The following PYROXD2 variants were observed in gnomAD, a reference collection of about 807,000 sequenced individuals.
PYROXD2 encodes the protein pyridine nucleotide-disulphide oxidoreductase domain 2.
Under a neutral mutation model 71.1 loss-of-function variants are expected in PYROXD2, and 69 were observed. The observed-to-expected ratio is 0.97, with a 90% CI of 0.80 to 1.19. The LOEUF is 1.19. Ranked by LOEUF, PYROXD2 falls within the 50% of genes most tolerant of loss-of-function variation. The probability of loss-of-function intolerance (pLI) is 0.00; values close to 1 mark genes in which losing one functional copy is unlikely to be tolerated. For missense variants in PYROXD2, 745 were observed against 748.9 expected (o/e 0.99, Z 0.06); for synonymous variants, 287 against 302.7 (o/e 0.95, Z 0.54).
intron 8 of PYROXD2, among the ~76,000 whole-genome samples, chr10:98,394,323 A>G (rs1240977550): frequency 1.3e-5 from 2 of 152,238 alleles, no homozygotes; most frequent in Non-Finnish European, 2.9e-5. Flanking sequence ...ATTGGCTGGT[A>G]GATCACAGCT....
intron 9 of PYROXD2, 139 bp downstream of exon 9, chr10:98,392,803 C>T (rs60153449): frequency 8.7e-7 from 1 of 1,149,582 alleles, no homozygotes; most frequent in African/African-American, 1.6e-5. Context: ...GACTGCATGA[C>T]CTTAATCTCT....
At chr10:98,407,832 G>GGGGTCAGCAGGGATGGAGACCGTCACCCA in intron 3 of PYROXD2, 72 bp downstream of exon 3, 2 of 1,464,756 alleles carry the variant, frequency 1.4e-6, no homozygotes, top group Non-Finnish European at 9.2e-7. Flanking sequence ...ACCGTCACCC[G>GGGGTCAGCAGGGATGGAGACCGTCACCCA]GGGTCAGCAG....
At chr10:98,409,542 G>A (rs1843718715) in intron 2 of PYROXD2, among the ~76,000 whole-genome samples, 2 of 152,200 alleles carry the variant, frequency 1.3e-5, no homozygotes, top group Non-Finnish European at 2.9e-5. Context: ...TGTGTTCCTG[G>A]TGGGCTTTGG....
chr10:98,388,570 G>T (rs571672230), intron 12 of PYROXD2, 62 bp from the exon 13 acceptor site: 18 of 1,441,990 alleles, frequency 1.2e-5, no homozygotes, highest in Non-Finnish European at 1.6e-5. Flanking sequence ...TAGGGCATCC[G>T]AGATGACTTG....
rs1357294969 is a variant in PYROXD2, at chr10:98,390,696, C to T, written c.1194G>A (p.Pro398=). Residue 398 remains proline, a synonymous_variant, in exon 12 of 16, where the codon CCG becomes CCA. Transcript: ENST00000370575. ...GGATGGAGCATTGGTGATGGGGCAG[C>T]GGCTGGCCCCTGGGAGCATTGGGGG... ...LAAPNAPRGQ[P]LPHHQCSIHL... 6.2e-7 allele frequency: 1 copy of T among 1,612,236 alleles called. No homozygotes were observed. Among genetic ancestry groups the T allele is most frequent in the South Asian group, 1.1e-5 (1 of 90,802 alleles).
intron 14 of PYROXD2, 113 bp downstream of exon 14, chr10:98,387,088 C>G: frequency 1.3e-6 from 1 of 773,812 alleles, no homozygotes; most frequent in Non-Finnish European, 2.1e-6. Context: ...ACTGTCCTCC[C>G]TTCCTGATGA....
intron 4 of PYROXD2, among the ~76,000 whole-genome samples, chr10:98,404,903 GC>G (rs1196646882): frequency 2.0e-5 from 3 of 152,178 alleles, no homozygotes; most frequent in Non-Finnish European, 4.4e-5. Context: ...ATACTTTGTG[GC>G]CCTGCAAATT....
chr10:98,407,852 C>T lies in PYROXD2; in HGVS notation c.241+52G>A, dbSNP rs1003132068. The T allele has an allele frequency of 1.9e-6, 3 of 1,547,048 alleles. No homozygotes were observed. In the African/African-American group the frequency reaches 4.1e-5, roughly 21 times the overall value. Reference sequence around the variant, plus strand: ...CACCCGGGGTCAGCAGGGATGGAGACTGTCACCCTGAGTCACTGCCCTCCA... The same window carrying T: ...CACCCGGGGTCAGCAGGGATGGAGATTGTCACCCTGAGTCACTGCCCTCCA... On this transcript the variant is annotated intron_variant, in intron 3 of 15. Coordinates refer to ENST00000370575, the MANE Select transcript of PYROXD2 (RefSeq NM_032709.3).
intron 1 of PYROXD2, among the ~76,000 whole-genome samples, chr10:98,412,482 C>T (rs560380000): frequency 2.3e-4 from 35 of 152,268 alleles, no homozygotes; most frequent in Non-Finnish European, 4.7e-4. Flanking sequence ...GATGTGCTGA[C>T]CTCTGGGAGA....
At chr10:98,396,878 G>A (rs1843204341) in intron 6 of PYROXD2, among the ~76,000 whole-genome samples, 1 of 152,314 alleles carries the variant, frequency 6.6e-6, no homozygotes, top group Non-Finnish European at 1.5e-5. Context: ...TCAATGCCCT[G>A]TGAGGCAACC....
At chr10:98,396,549 G>T (rs1390512771) in intron 6 of PYROXD2, among the ~76,000 whole-genome samples, 1 of 152,170 alleles carries the variant, frequency 6.6e-6, no homozygotes, top group Non-Finnish European at 1.5e-5. Flanking sequence ...CACTTAATGA[G>T]CCTTCCATTC....
At chr10:98,412,154 T>A (rs1177570101) in intron 1 of PYROXD2, among the ~76,000 whole-genome samples, 1 of 152,190 alleles carries the variant, frequency 6.6e-6, no homozygotes, top group African/African-American at 2.4e-5. Context: ...ATTTGTCTTT[T>A]AATTGGTGCT....
At chr10:98,410,258 T>G (rs1298158998) in intron 2 of PYROXD2, among the ~76,000 whole-genome samples, 1 of 152,234 alleles carries the variant, frequency 6.6e-6, no homozygotes, top group Non-Finnish European at 1.5e-5. Context: ...CTAGAGCTGC[T>G]GCTGCTTCAA....
In PYROXD2 at chr10:98,388,449, CAGCCAGGGGG is replaced by C; in HGVS notation, c.1342_1351del (p.Pro448AlafsTer3). On this transcript the variant is annotated frameshift_variant, in exon 13 of 16. Transcript: ENST00000370575. LOFTEE classifies it high-confidence loss of function. ...CTGAGTGAAGAGGGAGACTACATGG[CAGCCAGGGGG>C]AGCCAGGGTGGGGTCCAGCGAGGAA... The C allele has an allele frequency of 6.2e-7, 1 of 1,613,080 alleles. No individual in the cohort carries two copies.
In PYROXD2 at chr10:98,388,487, G is replaced by T; in HGVS notation, c.1314C>A (p.Ile438=). ...PSHRPVIELC[I]PSSLDPTLAP... ...CCAGGGTGGGGTCCAGCGAGGAAGG[G>T]ATGCAGAGCTCAATCACAGGCCTGT... Residue 438 remains isoleucine (I), a synonymous_variant, in exon 13 of 16, where the codon ATC becomes ATA. Transcript: ENST00000370575. 6.2e-7 allele frequency: 1 copy of T among 1,609,700 alleles called. No homozygotes were observed. The highest frequency in any genetic ancestry group is 1.7e-4 in the Middle Eastern group (1 of 6,048).
intron 1 of PYROXD2, chr10:98,411,742 A>AC (rs1352972305): frequency 6.6e-6 from 1 of 151,880 alleles, no homozygotes; most frequent in Non-Finnish European, 1.5e-5. Flanking sequence ...ACTCCCACAG[A>AC]CCCCCTTCCC....
chr10:98,397,276 G>A, intron 6 of PYROXD2, 69 bp downstream of exon 6: 1 of 1,483,352 alleles, frequency 6.7e-7, no homozygotes, highest in South Asian at 1.4e-5. Flanking sequence ...TTGTGTCTAG[G>A]CATCGAGACA....
At chr10:98,385,222 C>T (rs530099454) in intron 14 of PYROXD2, among the ~76,000 whole-genome samples, 155 bp from the exon 15 acceptor site, 4 of 152,262 alleles carry the variant, frequency 2.6e-5, no homozygotes, top group South Asian at 2.1e-4. Context: ...GGAGATGAGA[C>T]GGAATGGGCA....
intron 15 of PYROXD2, among the ~76,000 whole-genome samples, chr10:98,384,146 G>C (rs1468808267): frequency 1.3e-5 from 2 of 150,050 alleles, no homozygotes; most frequent in East Asian, 4.0e-4. Context: ...AGTAAGTGAA[G>C]TTAAAATTTC....
Sources: allele counts gnomAD v4.1 joint callset (sites outside exome capture counted in the v4.1 genomes callset), GRCh38; gene constraint gnomAD v4.1.1; transcripts MANE v1.5; gene names NCBI Gene and HGNC (gene_info 2026-07-23, HGNC 2026-07-21).